SLC2A9: variants seen among roughly 807,000 people sequenced by gnomAD.
SLC2A9 encodes solute carrier family 2 member 9.
In SLC2A9, 39 loss-of-function variants were observed where a neutral mutation model predicts 50.6. That is an observed-to-expected ratio of 0.77 (90% CI 0.60 to 1.01). SLC2A9 has a LOEUF of 1.01. SLC2A9 is among the 50% of genes least tolerant of loss of function. The pLI is 0.00. For synonymous variants in SLC2A9, 324 were observed against 276.9 expected, an observed-to-expected ratio of 1.17 and a Z score of -1.69; for missense variants, 686 against 677.6, an observed-to-expected ratio of 1.01 and a Z score of -0.14.
intron 3 of SLC2A9, among the ~76,000 whole-genome samples, chr4:9,801,253 A>G (rs546462141): frequency 1.3e-5 from 2 of 152,114 alleles, no homozygotes. Flanking sequence ...CTACCACCTG[A>G]TCACACACAT....
rs567280133 is a variant in SLC2A9 at position 9,831,291 on chromosome 4, G to T, written c.1419+3590C>A. On this transcript the variant is annotated intron_variant, in intron 11 of 11. Coordinates refer to ENST00000264784, the MANE Select transcript of SLC2A9 (RefSeq NM_020041.3). ...GATTAAGTTGAAATGAGGTCATTAG[G>T]GTGGGGCCCTAATCCAATATCCTGC... 1.2e-3 allele frequency among the ~76,000 whole-genome samples: 185 copies of T among 152,208 alleles called. 1 individual carries two copies. Among genetic ancestry groups the T allele is most frequent in the Admixed American group, 1.3e-3 (20 of 15,280 alleles).
At chr4:9,783,613 T>A in intron 3 of SLC2A9, 1 of 745,154 alleles carries the variant, frequency 1.3e-6, no homozygotes, top group South Asian at 2.0e-5. Flanking sequence ...CTCACCCCAT[T>A]GATTGGTAGT....
chr4:9,815,468 T>C (rs994488773), intron 3 of SLC2A9, among the ~76,000 whole-genome samples: 2 of 152,192 alleles, frequency 1.3e-5, no homozygotes, highest in Admixed American at 6.5e-5. Context: ...AGGGCAGAGG[T>C]AGGCAGATCA....
chr4:10,024,527 G>A (rs1466259802), upstream of SLC2A9, among the ~76,000 whole-genome samples: 1 of 152,158 alleles, frequency 6.6e-6, no homozygotes, highest in Non-Finnish European at 1.5e-5. Context: ...GCTTCAGAAG[G>A]AACTAACCTG....
chr4:9,988,172 A>ATTTCAAAGCT (rs1757066722), intron 3 of SLC2A9, among the ~76,000 whole-genome samples: 1 of 152,230 alleles, frequency 6.6e-6, no homozygotes, highest in Non-Finnish European at 1.5e-5. Flanking sequence ...AATGATTTGG[A>ATTTCAAAGCT]CCAGGCTGGG....
rs557738354 is a variant in SLC2A9, at chr4:9,955,128, C to G, written c.682-13083G>C. ...TCCTAAGTGCTGGCAGGCCACTGTG[C>G]ATGCAAACAGCCCAATCCAAGGGGA... On this transcript the variant is annotated intron_variant, in intron 5 of 11. Coordinates refer to ENST00000264784, the MANE Select transcript of SLC2A9 (RefSeq NM_020041.3). Among the ~76,000 whole-genome samples the G allele has an allele frequency of 1.9e-4, 29 of 152,266 alleles. No homozygotes were observed. The South Asian group carries it at 3.5e-3, about 19-fold the overall frequency.
chr4:9,815,895 C>A (rs964286118), intron 3 of SLC2A9, among the ~76,000 whole-genome samples: 14 of 152,136 alleles, frequency 9.2e-5, no homozygotes, highest in African/African-American at 2.9e-4. Context: ...TGAGGCCGGG[C>A]ACGGTAGTTC....
intron 5 of SLC2A9, among the ~76,000 whole-genome samples, chr4:9,954,376 C>T (rs1382046590): frequency 6.6e-6 from 1 of 152,280 alleles, no homozygotes; most frequent in East Asian, 1.9e-4. Flanking sequence ...CTAGATTGGG[C>T]AGGAAGGGGC....
chr4:9,882,420 T>C (rs1735378592), intron 10 of SLC2A9, among the ~76,000 whole-genome samples: 1 of 152,098 alleles, frequency 6.6e-6, no homozygotes, highest in African/African-American at 2.4e-5. Context: ...GCTATGTGAT[T>C]TGGGAAAAAT....
intron 1 of SLC2A9, among the ~76,000 whole-genome samples, chr4:10,038,562 C>T (rs1220640000): frequency 6.6e-6 from 1 of 150,514 alleles, no homozygotes; most frequent in Non-Finnish European, 1.5e-5. Flanking sequence ...TACAGCCAGG[C>T]CACGGAACAA....
rs188446041 is a variant in SLC2A9 at position 9,959,710 on chromosome 4, G to A, written c.682-17665C>T. 1.9e-4 allele frequency among the ~76,000 whole-genome samples: 29 copies of A among 152,278 alleles called. No individual in the cohort carries two copies. In the South Asian group the frequency reaches 5.2e-3, roughly 27 times the overall value. On this transcript the variant is annotated intron_variant, in intron 5 of 11. Coordinates refer to ENST00000264784, the MANE Select transcript of SLC2A9 (RefSeq NM_020041.3). ...TTAAAATTTAAGACAAAGATTAGTT[G>A]AAATATGAATACTTTTCCTTTGGGG...
chr4:9,803,537 G>A (rs764414609), intron 3 of SLC2A9, among the ~76,000 whole-genome samples: 9 of 152,152 alleles, frequency 5.9e-5, no homozygotes, highest in Admixed American at 3.9e-4. Flanking sequence ...GGATCCCATC[G>A]CAGCCTGAAA....
intron 2 of SLC2A9, among the ~76,000 whole-genome samples, chr4:10,007,960 A>C (rs1301403739): frequency 6.6e-6 from 1 of 152,158 alleles, no homozygotes; most frequent in Non-Finnish European, 1.5e-5. Context: ...GTGCTCAATA[A>C]ATTTCAGGGT....
upstream of SLC2A9, among the ~76,000 whole-genome samples, chr4:10,021,972 G>A (rs1763543291): frequency 1.3e-5 from 2 of 152,070 alleles, no homozygotes; most frequent in Non-Finnish European, 2.9e-5. Flanking sequence ...CCAAGTAGCT[G>A]GAACTATAGG....
intron 6 of SLC2A9, among the ~76,000 whole-genome samples, chr4:9,931,283 C>G (rs1745858224): frequency 6.6e-6 from 1 of 152,188 alleles, no homozygotes; most frequent in African/African-American, 2.4e-5. Context: ...TAGCCATGTT[C>G]TAATCACTAA....
chr4:10,014,840 G>A (rs1762341034), intron 2 of SLC2A9, among the ~76,000 whole-genome samples: 1 of 152,186 alleles, frequency 6.6e-6, no homozygotes, highest in Non-Finnish European at 1.5e-5. Context: ...AGGATTGCCT[G>A]AACAGCTACC....
chr4:9,780,775 A>C (rs1223904539), intron 3 of SLC2A9, among the ~76,000 whole-genome samples: 1 of 151,906 alleles, frequency 6.6e-6, no homozygotes, highest in Admixed American at 6.5e-5. Flanking sequence ...TTCCCTCTTT[A>C]TTGTTTTCCA....
intron 5 of SLC2A9, among the ~76,000 whole-genome samples, chr4:9,977,335 C>A (rs1418244817): frequency 6.6e-6 from 1 of 152,042 alleles, no homozygotes; most frequent in Non-Finnish European, 1.5e-5. Flanking sequence ...TATGACAAAT[C>A]TGGATTTGTA....
At chr4:9,829,709 C>T (rs567517010) in intron 11 of SLC2A9, among the ~76,000 whole-genome samples, 1 of 152,090 alleles carries the variant, frequency 6.6e-6, no homozygotes, top group African/African-American at 2.4e-5. Context: ...AAAGGACACA[C>T]ACAGATGCTT....
Sources: gnomAD v4.1 joint callset for allele counts (sites outside exome capture counted in the v4.1 genomes callset) on GRCh38, gnomAD v4.1.1 for gene constraint, MANE v1.5 for transcripts, NCBI Gene and HGNC (gene_info 2026-07-23, HGNC 2026-07-21) for gene names.